The following RIC8B variants were observed in gnomAD, a reference collection of about 807,000 sequenced individuals.
RIC8B encodes RIC8 guanine nucleotide exchange factor B.
RIC8B carries 16 observed loss-of-function variants against 57.5 expected under a neutral mutation model. The observed-to-expected ratio is 0.28, with a 90% CI of 0.19 to 0.42. The LOEUF (loss-of-function observed/expected upper bound fraction) is 0.42, where lower values mean the gene tolerates loss of function less well. Among genes scored for constraint, RIC8B ranks in the 10% least tolerant of loss-of-function variants. The pLI, the probability that RIC8B is intolerant of heterozygous loss-of-function variation, is 1.00. For missense variants in RIC8B, 481 were observed against 677.0 expected (o/e 0.71, Z 3.21); for synonymous variants, 216 against 250.8 (o/e 0.86, Z 1.31).
intron 9 of RIC8B, among the ~76,000 whole-genome samples, chr12:106,875,114 T>C (rs1405893742): frequency 6.6e-6 from 1 of 152,168 alleles, no homozygotes; most frequent in Non-Finnish European, 1.5e-5. Context: ...GTCATAAAAT[T>C]CAGGGCCAGA....
intron 9 of RIC8B, among the ~76,000 whole-genome samples, chr12:106,877,395 A>G (rs976361254): frequency 3.7e-4 from 57 of 152,316 alleles, no homozygotes; most frequent in African/African-American, 1.3e-3. Context: ...TAAATTTTAA[A>G]TAAATGAAAA....
At chr12:106,855,133 G>A (rs1464911032) in intron 7 of RIC8B, among the ~76,000 whole-genome samples, 2 of 152,164 alleles carry the variant, frequency 1.3e-5, no homozygotes, top group African/African-American at 4.8e-5. Context: ...TATGTGGTAG[G>A]CATTATGATG....
intron 2 of RIC8B, among the ~76,000 whole-genome samples, chr12:106,788,759 C>T (rs1252551582): frequency 6.6e-6 from 1 of 152,130 alleles, no homozygotes; most frequent in Non-Finnish European, 1.5e-5. Context: ...ACACTGGGCC[C>T]GGCCCATTAA....
chr12:106,883,588 A>G (rs1258691212), intron 9 of RIC8B, among the ~76,000 whole-genome samples: 1 of 151,736 alleles, frequency 6.6e-6, no homozygotes. Flanking sequence ...TCTACTTACT[A>G]CTCTCATTCT....
At chr12:106,809,221 G>A (rs73397390) in intron 2 of RIC8B, among the ~76,000 whole-genome samples, 17,582 of 152,170 alleles carry the variant, frequency 0.12, 1,154 homozygotes, top group Middle Eastern at 0.16. Flanking sequence ...ATCATTTAAC[G>A]TTTTAAGAAT....
chr12:106,840,741 T>C (rs1016529082), intron 4 of RIC8B, among the ~76,000 whole-genome samples: 2 of 152,214 alleles, frequency 1.3e-5, no homozygotes, highest in African/African-American at 4.8e-5. Context: ...TTAAATTTAC[T>C]GAATTCCTGG....
At chr12:106,859,024 C>T (rs964737339) in intron 7 of RIC8B, among the ~76,000 whole-genome samples, 31 of 152,082 alleles carry the variant, frequency 2.0e-4, no homozygotes, top group African/African-American at 7.5e-4. Context: ...TGAATCTTCT[C>T]CAGCTCTATT....
chr12:106,778,285 A>G (rs1236002041), intron 1 of RIC8B, among the ~76,000 whole-genome samples: 1 of 152,192 alleles, frequency 6.6e-6, no homozygotes, highest in Non-Finnish European at 1.5e-5. Context: ...ACTGTGTTAT[A>G]TAGATTCTCA....
chr12:106,866,200 G>A (rs749812151), intron 8 of RIC8B, among the ~76,000 whole-genome samples: 1 of 151,980 alleles, frequency 6.6e-6, no homozygotes, highest in Non-Finnish European at 1.5e-5. Context: ...GTCTGTTTTT[G>A]TTCATGTAGA....
At chr12:106,818,315 C>G (rs1367917537) in intron 3 of RIC8B, among the ~76,000 whole-genome samples, 1 of 151,678 alleles carries the variant, frequency 6.6e-6, no homozygotes, top group African/African-American at 2.4e-5. Context: ...TACAGGCGTG[C>G]GCCACCATGC....
In RIC8B at chr12:106,855,086, T is replaced by TC. The variant is rs373320259; in HGVS notation, c.1306+3500dup. Among the ~76,000 whole-genome samples, 119 of 151,770 alleles carry TC rather than the reference T, an allele frequency of 7.8e-4. 1 individual carries two copies. Among genetic ancestry groups the TC allele is most frequent in the African/African-American group, 1.9e-3 (80 of 41,376 alleles). ...TAAAATAATCTGCCTTGGTAGGGGT[T>TC]CCCCCCCCACCTTTTATCGTATTCA... On this transcript the variant is annotated intron_variant, in intron 7 of 9. Transcript: ENST00000392837.
chr12:106,805,891 T>G (rs1044279664), intron 2 of RIC8B, among the ~76,000 whole-genome samples: 3 of 152,146 alleles, frequency 2.0e-5, no homozygotes, highest in African/African-American at 7.2e-5. Context: ...AGGTATCTAC[T>G]TCTCTCTCTC....
intron 4 of RIC8B, among the ~76,000 whole-genome samples, chr12:106,827,939 C>A (rs550303567): frequency 6.6e-6 from 1 of 152,188 alleles, no homozygotes; most frequent in South Asian, 2.1e-4. Flanking sequence ...GTCACAAATA[C>A]ATTGCCAAAG....
chr12:106,798,093 A>G (rs2044566866), intron 2 of RIC8B: 2 of 716,176 alleles, frequency 2.8e-6, no homozygotes, highest in South Asian at 1.5e-5. Context: ...TAAAATAACT[A>G]GTGAAGAAGA....
Position 106,879,271 on chromosome 12 carries a change from G to A in RIC8B, c.1572-6633G>A. The A allele has an allele frequency of 2.0e-6, 2 of 985,660 alleles. No homozygotes were observed. The highest frequency in any genetic ancestry group is 2.4e-6 in the Non-Finnish European group (2 of 829,894). 61.1% of individuals were successfully genotyped at this position (985,660 alleles called of 1,614,324 possible). A position where few individuals can be genotyped will look rare whatever the true frequency, so the allele number is the denominator to read the frequency against. On this transcript the variant is annotated intron_variant, in intron 9 of 9. Transcript: ENST00000392837. The surrounding 1 kb of genome is among the most constrained non-coding windows in gnomAD (Gnocchi z 4.9). ...GCACAAAAACATGTGCTGTGGGCAA[G>A]AGTATTCTCTTGCTTTCAGGTCAAG... is the stretch of plus-strand genomic sequence containing the variant.
At chr12:106,881,902 A>G (rs1431968733) in intron 9 of RIC8B, among the ~76,000 whole-genome samples, 1 of 152,220 alleles carries the variant, frequency 6.6e-6, no homozygotes, top group Non-Finnish European at 1.5e-5. Flanking sequence ...ACTCCCAGAC[A>G]GGACAAGAAA....
chr12:106,832,973 G>A (rs1250284038), intron 4 of RIC8B, among the ~76,000 whole-genome samples: 3 of 151,886 alleles, frequency 2.0e-5, no homozygotes, highest in South Asian at 4.2e-4. Context: ...CCTTCAATAT[G>A]TGACATGCTG....
intron 1 of RIC8B, among the ~76,000 whole-genome samples, chr12:106,776,212 C>A (rs1414888260): frequency 6.6e-6 from 1 of 152,182 alleles, no homozygotes; most frequent in East Asian, 1.9e-4. Flanking sequence ...TGGGAAGATT[C>A]ATAGGTTCTA....
At chr12:106,793,094 C>A (rs566611793) in intron 2 of RIC8B, among the ~76,000 whole-genome samples, 1 of 152,310 alleles carries the variant, frequency 6.6e-6, no homozygotes, top group Non-Finnish European at 1.5e-5. Flanking sequence ...CATGGGATAG[C>A]AGCTGTACCT....
Sources: gnomAD v4.1 joint callset for allele counts (sites outside exome capture counted in the v4.1 genomes callset) on GRCh38, gnomAD v4.1.1 for gene constraint, Gnocchi (gnomAD v3.1) non-coding constraint, MANE v1.5 for transcripts, NCBI Gene and HGNC (gene_info 2026-07-23, HGNC 2026-07-21) for gene names.